Variants in NDUFA10 observed in about 807,000 individuals in gnomAD.
NDUFA10 encodes the protein NADH dehydrogenase [ubiquinone] 1 alpha subcomplex subunit 10, mitochondrial.
NDUFA10 carries 40 observed loss-of-function variants against 47.8 expected under a neutral mutation model. The ratio of observed to expected loss-of-function variants is 0.84; its 90% CI spans 0.65 to 1.09. The LOEUF is 1.09. NDUFA10 is among the 50% of genes least tolerant of loss of function. NDUFA10 has a pLI of 0.00. For synonymous variants in NDUFA10, 183 were observed against 172.2 expected (o/e 1.06, Z -0.49); for missense variants, 413 against 451.1 (o/e 0.92, Z 0.76).
At chr2:239,924,813 C>T (rs1017951854) in intron 4 of NDUFA10, among the ~76,000 whole-genome samples, 3 of 152,000 alleles carry the variant, frequency 2.0e-5, no homozygotes, top group East Asian at 1.9e-4. Context: ...AAATTATCTC[C>T]CCTCAATTAT....
intron 8 of NDUFA10, among the ~76,000 whole-genome samples, chr2:240,001,213 G>A (rs1370322974): frequency 6.6e-6 from 1 of 152,202 alleles, no homozygotes; most frequent in Non-Finnish European, 1.5e-5. Flanking sequence ...AGCGTGAATT[G>A]AGGATAATTA....
At chr2:239,896,003 T>C (rs73097717) in intron 4 of NDUFA10, among the ~76,000 whole-genome samples, 148,066 of 152,312 alleles carry the variant, frequency 0.97, 72,118 homozygotes, top group East Asian at 1. Flanking sequence ...CAATAGGGTC[T>C]TTGGTTGTTG....
chr2:239,898,185 C>A (rs1266089467), intron 4 of NDUFA10, among the ~76,000 whole-genome samples: 1 of 152,190 alleles, frequency 6.6e-6, no homozygotes, highest in Admixed American at 6.5e-5. Flanking sequence ...ATGGGCATTT[C>A]TCCTCCACTT....
chr2:239,944,626 G>T (rs886263974), intron 4 of NDUFA10, among the ~76,000 whole-genome samples: 2 of 152,174 alleles, frequency 1.3e-5, no homozygotes, highest in Non-Finnish European at 2.9e-5. Context: ...ACTCAGAACC[G>T]ACAAAAACTC....
intron 8 of NDUFA10, among the ~76,000 whole-genome samples, chr2:240,001,852 G>A (rs148471093): frequency 3.8e-4 from 58 of 152,248 alleles, no homozygotes; most frequent in African/African-American, 1.3e-3. Context: ...CACCTCAGAG[G>A]ACCCCTCTAA....
chr2:239,914,332 A>G (rs960456483), intron 4 of NDUFA10, among the ~76,000 whole-genome samples: 12 of 151,904 alleles, frequency 7.9e-5, no homozygotes, highest in African/African-American at 1.5e-4. Flanking sequence ...ACATACATAT[A>G]CAGACACACA....
At chr2:239,926,403 C>A (rs930987252) in intron 4 of NDUFA10, among the ~76,000 whole-genome samples, 1 of 152,166 alleles carries the variant, frequency 6.6e-6, no homozygotes, top group Non-Finnish European at 1.5e-5. Flanking sequence ...GAAATCCTAT[C>A]CCCTAGTGAC....
At chr2:240,003,220 T>C (rs1004764986) in intron 8 of NDUFA10, among the ~76,000 whole-genome samples, 1 of 152,148 alleles carries the variant, frequency 6.6e-6, no homozygotes, top group East Asian at 1.9e-4. Flanking sequence ...GTGAGCCAGC[T>C]GTCCCTCTGG....
At chr2:239,903,300 G>A (rs967680496) in intron 4 of NDUFA10, among the ~76,000 whole-genome samples, 5 of 152,200 alleles carry the variant, frequency 3.3e-5, no homozygotes, top group African/African-American at 4.8e-5. Flanking sequence ...ACGTCAGCAC[G>A]GGGGGCTTGT....
At chr2:240,013,366 T>G (rs1375015220) in intron 5 of NDUFA10, 2 of 152,194 alleles carry the variant, frequency 1.3e-5, no homozygotes. Context: ...ACTTTAGACC[T>G]CAGAATTATT....
chr2:239,925,220 A>T (rs1694047234), intron 4 of NDUFA10, among the ~76,000 whole-genome samples: 1 of 152,212 alleles, frequency 6.6e-6, no homozygotes, highest in Admixed American at 6.5e-5. Context: ...AAAATAAACT[A>T]GACTAGCTTA....
At chr2:239,953,926 G>A (rs1694605116), downstream of NDUFA10, among the ~76,000 whole-genome samples, 1 of 152,042 alleles carries the variant, frequency 6.6e-6, no homozygotes, top group Non-Finnish European at 1.5e-5. Flanking sequence ...TGACAGTGGG[G>A]AGTGGGTTCC....
downstream of NDUFA10, among the ~76,000 whole-genome samples, chr2:239,955,124 T>C (rs868134732): frequency 5.9e-5 from 9 of 152,356 alleles, no homozygotes; most frequent in Middle Eastern, 0.02. Flanking sequence ...GAGTTTATTA[T>C]ATTTATCCAC....
intron 9 of NDUFA10, among the ~76,000 whole-genome samples, chr2:239,972,322 C>G (rs1695337125): frequency 6.6e-6 from 1 of 152,062 alleles, no homozygotes; most frequent in African/African-American, 2.4e-5. Context: ...ACCGGGTGGG[C>G]TTCACTCTGC....
Position 239,990,100 on chromosome 2 carries a change from C to A in NDUFA10, c.973G>T (p.Asp325Tyr). 1 of 1,612,858 alleles carries A rather than the reference C, an allele frequency of 6.2e-7. No homozygotes were observed. The highest frequency in any genetic ancestry group is 1.1e-5 in the South Asian group (1 of 91,012). Reference sequence around the variant, plus strand: ...TCTCTGAACTGATGTAAGACACGGTCAGTCTGATGAGCTCCAATGGTGACT... The same window carrying A: ...TCTCTGAACTGATGTAAGACACGGTAAGTCTGATGAGCTCCAATGGTGACT... ...PEVTIGAHQT[D>Y]RVLHQFRELP... Residue 325 changes from aspartate to tyrosine, a missense_variant, in exon 9 of 10, where the codon GAC (aspartate) becomes TAC (tyrosine). Coordinates refer to ENST00000252711, the MANE Select transcript of NDUFA10 (RefSeq NM_004544.4).
intron 7 of NDUFA10, 54 bp from the exon 8 acceptor site, chr2:240,005,349 A>G: frequency 6.8e-7 from 1 of 1,470,580 alleles, no homozygotes; most frequent in Non-Finnish European, 9.5e-7. Flanking sequence ...AGAAATTTAA[A>G]TGAAATAACT....
At chr2:239,998,307 C>G (rs1696560657) in intron 8 of NDUFA10, among the ~76,000 whole-genome samples, 1 of 152,212 alleles carries the variant, frequency 6.6e-6, no homozygotes, top group South Asian at 2.1e-4. Flanking sequence ...TGTCTGTGCT[C>G]AGTTCCCTTG....
chr2:240,006,740 C>G (rs1696961794), intron 7 of NDUFA10, among the ~76,000 whole-genome samples: 1 of 152,216 alleles, frequency 6.6e-6, no homozygotes, highest in African/African-American at 2.4e-5. Flanking sequence ...ACTGAAGATA[C>G]TTACACACAG....
intron 4 of NDUFA10, among the ~76,000 whole-genome samples, chr2:239,902,272 G>A (rs146851476): frequency 1.3e-5 from 2 of 152,244 alleles, no homozygotes; most frequent in South Asian, 2.1e-4. Flanking sequence ...TTAAGAAGTT[G>A]CCACGGCCAC....
Sources: allele counts gnomAD v4.1 joint callset (sites outside exome capture counted in the v4.1 genomes callset), GRCh38; gene constraint gnomAD v4.1.1; transcripts MANE v1.5; gene names NCBI Gene and HGNC (gene_info 2026-07-23, HGNC 2026-07-21).